DHX57: variants seen among roughly 807,000 people sequenced by gnomAD.
The protein encoded by DHX57 is DExH-box helicase 57.
In DHX57, 105 loss-of-function variants were observed where a neutral mutation model predicts 156.2. The observed-to-expected ratio is 0.67, with a 90% CI of 0.57 to 0.79. The LOEUF (loss-of-function observed/expected upper bound fraction) is 0.79. Ranked by LOEUF, DHX57 falls within the 30% of genes least tolerant of loss-of-function variation. DHX57 has a pLI of 0.00. For missense variants in DHX57, 1,847 were observed against 1,661.9 expected, an observed-to-expected ratio of 1.11 and a Z score of -1.94; for synonymous variants, 704 against 595.6, an observed-to-expected ratio of 1.18 and a Z score of -2.65.
rs569729589 is a variant in DHX57 at position 38,857,072 on chromosome 2, C to A, written c.1588-611G>T. ...ACCAGTACTGTCCAATAGAACTTTC[C>A]GTGTTGATGGAAATGTTCTATACCT... On this transcript the variant is annotated intron_variant, in intron 6 of 23. Transcript: ENST00000457308. 1.9e-5 allele frequency: 3 copies of A among 153,944 alleles called. No homozygotes were observed. The East Asian group carries it at 5.8e-4, about 30-fold the overall frequency. The allele number at this position is 153,944 out of a possible 1,614,324, so 9.5% of individuals were successfully genotyped here. A position where few individuals can be genotyped will look rare whatever the true frequency, so the allele number is the denominator to read the frequency against.
chr2:38,841,947 T>C (rs1672030312), intron 12 of DHX57, among the ~76,000 whole-genome samples: 1 of 152,180 alleles, frequency 6.6e-6, no homozygotes, highest in Admixed American at 6.5e-5. Flanking sequence ...GCTAAAACTA[T>C]TGGGATATTA....
rs996026139 is a variant in DHX57 at position 38,854,334 on chromosome 2, G to C, written c.1906-156C>G. The C allele has an allele frequency of 9.1e-5, 57 of 627,820 alleles. No individual in the cohort carries two copies. In the African/African-American group the frequency reaches 1.0e-3, roughly 11 times the overall value. The allele number at this position is 627,820 out of a possible 1,614,324, so 38.9% of individuals were successfully genotyped here. Reference sequence around the variant, plus strand: ...CATACTAAACATAGTTTCTTGCCAGGGACAGTAATAAAAGCCTTTCTACTT... The same window carrying C: ...CATACTAAACATAGTTTCTTGCCAGCGACAGTAATAAAAGCCTTTCTACTT... On this transcript the variant is annotated intron_variant, in intron 8 of 23. Coordinates refer to ENST00000457308, the MANE Select transcript of DHX57 (RefSeq NM_198963.3).
rs1238150703 is a variant in DHX57 at position 38,848,301 on chromosome 2, T to C, written c.2132A>G (p.Tyr711Cys). The C allele has an allele frequency of 1.9e-6, 3 of 1,609,274 alleles. No homozygotes were observed. Among genetic ancestry groups the C allele is most frequent in the South Asian group, 1.1e-5 (1 of 89,888 alleles). The change falls in exon 10 of 24, where the codon TAT becomes TGT. Residue 711 changes from tyrosine to cysteine, a missense_variant. Coordinates refer to ENST00000457308, the MANE Select transcript of DHX57 (RefSeq NM_198963.3). ...ATLNAELFSD[Y>C]FNSCPVITIP... is the part of the protein sequence containing the mutation. ...AGTAATAACGGGGCAGGAATTAAAA[T>C]AGTCTGAAAAAAGCTCAGCGTTTAG...
chr2:38,810,824 G>C (rs915992243), intron 21 of DHX57: 1 of 742,526 alleles, frequency 1.3e-6, no homozygotes, highest in South Asian at 1.3e-5. Context: ...GTGCCTGCTG[G>C]GGTCTTGCAG....
chr2:38,872,194 G>A (rs1665389659), intron 1 of DHX57, among the ~76,000 whole-genome samples: 1 of 152,008 alleles, frequency 6.6e-6, no homozygotes, highest in Non-Finnish European at 1.5e-5. Context: ...CAATATTGCT[G>A]GAATTAAGCT....
At position 38,848,287 on chromosome 2, in the gene DHX57, G is replaced by A. The variant is rs1672394193; in HGVS notation, c.2146C>T (p.Pro716Ser). ...ELFSDYFNSC[P>S]VITIPGRTFP... ...TATTCACCTGGTATAGTAATAACGGGGCAGGAATTAAAATAGTCTGAAAAA... is the reference window on the plus strand; with the variant it reads ...TATTCACCTGGTATAGTAATAACGGAGCAGGAATTAAAATAGTCTGAAAAA... The change falls in exon 10 of 24, where the codon CCC becomes TCC. Residue 716 changes from proline (P) to serine (S), a missense_variant. Physicochemically the swap from Pro to Ser is moderately conservative, Grantham distance 74. Transcript: ENST00000457308. 1 of 1,602,706 alleles carries A rather than the reference G, an allele frequency of 6.2e-7. No homozygotes were observed. The highest frequency in any genetic ancestry group is 8.5e-7 in the Non-Finnish European group (1 of 1,176,022).
At chr2:38,839,656 G>C (rs890994042) in intron 12 of DHX57, among the ~76,000 whole-genome samples, 1 of 151,904 alleles carries the variant, frequency 6.6e-6, no homozygotes, top group Non-Finnish European at 1.5e-5. Flanking sequence ...AGGAGGCGGA[G>C]GTTGTGGTAA....
At chr2:38,863,298 G>A in intron 3 of DHX57, 63 bp downstream of exon 3, 1 of 1,525,184 alleles carries the variant, frequency 6.6e-7, no homozygotes, top group Non-Finnish European at 8.9e-7. Flanking sequence ...AAGATGCACA[G>A]GACCTTCACA....
intron 21 of DHX57, among the ~76,000 whole-genome samples, chr2:38,812,573 G>A (rs546286580): frequency 1.3e-5 from 2 of 152,182 alleles, no homozygotes; most frequent in Non-Finnish European, 2.9e-5. Flanking sequence ...CGCTCTAGTC[G>A]CCTAGGCTGG....
chr2:38,801,336 G>C (rs1010619986), intron 23 of DHX57, among the ~76,000 whole-genome samples: 1 of 152,052 alleles, frequency 6.6e-6, no homozygotes, highest in Non-Finnish European at 1.5e-5. Flanking sequence ...GACCTCTTGG[G>C]CTTGAGCAAT....
chr2:38,825,278 A>T, intron 16 of DHX57, among the ~76,000 whole-genome samples: 1 of 151,974 alleles, frequency 6.6e-6, no homozygotes, highest in East Asian at 1.9e-4. Flanking sequence ...CACTTACTTA[A>T]ATTTCATTTT....
intron 12 of DHX57, among the ~76,000 whole-genome samples, chr2:38,840,484 G>A (rs746652741): frequency 2.6e-5 from 4 of 151,574 alleles, no homozygotes; most frequent in South Asian, 2.1e-4. Context: ...GGGTTCAAGC[G>A]ATTCTCATTC....
At chr2:38,805,131 T>C (rs1011801293) in intron 22 of DHX57, among the ~76,000 whole-genome samples, 1 of 152,030 alleles carries the variant, frequency 6.6e-6, no homozygotes, top group African/African-American at 2.4e-5. Context: ...TTGAGAAACA[T>C]GCAAAACAAC....
At chr2:38,831,598 T>A (rs1401186989) in intron 13 of DHX57, among the ~76,000 whole-genome samples, 3 of 152,198 alleles carry the variant, frequency 2.0e-5, no homozygotes, top group Non-Finnish European at 4.4e-5. Flanking sequence ...CTCACGCCTG[T>A]AATCCCAGCA....
At chr2:38,850,199 G>C (rs761186717) in intron 9 of DHX57, among the ~76,000 whole-genome samples, 1 of 152,174 alleles carries the variant, frequency 6.6e-6, no homozygotes, top group Non-Finnish European at 1.5e-5. Context: ...TGCATAGAAA[G>C]ATGTACTACC....
chr2:38,857,865 C>A (rs1175301093), intron 6 of DHX57, among the ~76,000 whole-genome samples: 1 of 152,164 alleles, frequency 6.6e-6, no homozygotes, highest in African/African-American at 2.4e-5. Flanking sequence ...CCTTATCCTT[C>A]TCCTTTTATA....
intron 23 of DHX57, among the ~76,000 whole-genome samples, chr2:38,800,329 G>T (rs994396535): frequency 1.3e-5 from 2 of 152,002 alleles, no homozygotes; most frequent in African/African-American, 4.8e-5. Flanking sequence ...ACTCCAGCCT[G>T]GGTGACAGAG....
At chr2:38,816,830 T>G (rs1224711887) in intron 19 of DHX57, among the ~76,000 whole-genome samples, 1 of 152,136 alleles carries the variant, frequency 6.6e-6, no homozygotes, top group Non-Finnish European at 1.5e-5. Context: ...ACAATCTAAG[T>G]TGAAGTTTAG....
intron 17 of DHX57, among the ~76,000 whole-genome samples, chr2:38,822,409 T>C (rs1670869961): frequency 6.6e-6 from 1 of 151,444 alleles, no homozygotes; most frequent in Non-Finnish European, 1.5e-5. Flanking sequence ...TAGTTGTTTT[T>C]TTTTTTAGAC....
Sources: allele counts gnomAD v4.1 joint callset (sites outside exome capture counted in the v4.1 genomes callset), GRCh38; gene constraint gnomAD v4.1.1; transcripts MANE v1.5; gene names NCBI Gene and HGNC (gene_info 2026-07-23, HGNC 2026-07-21).